The following AKR1C8 variants were observed in gnomAD, a reference collection of about 807,000 sequenced individuals.
The protein encoded by AKR1C8 is aldo-keto reductase family 1 member C-like protein 1.
the AKR1C8 span, chr10:5,122,161 C>G: frequency 1.0e-5 from 4 of 394,774 alleles, no homozygotes; most frequent in East Asian, 3.1e-4. Context: ...AACTCAAAGT[C>G]AAAAACCTGA....
the AKR1C8 span, among the ~76,000 whole-genome samples, chr10:5,181,876 A>G: frequency 2.6e-5 from 4 of 152,202 alleles, no homozygotes; most frequent in African/African-American, 2.4e-5. Context: ...ATAATCAACT[A>G]TAAGACTTTA....
chr10:5,116,119 T>C, the AKR1C8 span, among the ~76,000 whole-genome samples: 3 of 152,164 alleles, frequency 2.0e-5, no homozygotes, highest in South Asian at 6.2e-4. Context: ...CACAGCATGG[T>C]AATACTAAGC....
At chr10:5,166,617 C>T in the AKR1C8 span, among the ~76,000 whole-genome samples, 1 of 152,186 alleles carries the variant, frequency 6.6e-6, no homozygotes, top group African/African-American at 2.4e-5. Context: ...CCCTTCCTTA[C>T]ACCTTATACA....
the AKR1C8 span, chr10:5,132,829 A>G: frequency 2.9e-6 from 2 of 694,470 alleles, no homozygotes; most frequent in African/African-American, 3.7e-5. Flanking sequence ...TAGTTCAGGC[A>G]CAAACAATGA....
the AKR1C8 span, among the ~76,000 whole-genome samples, chr10:5,127,137 C>A: frequency 6.6e-6 from 1 of 151,872 alleles, no homozygotes; most frequent in African/African-American, 2.4e-5. Context: ...ATTTAAAATA[C>A]CAGATAATGA....
At chr10:5,181,205 AATCTC>A in the AKR1C8 span, among the ~76,000 whole-genome samples, 8 of 152,350 alleles carry the variant, frequency 5.3e-5, no homozygotes, top group Non-Finnish European at 1.0e-4. Flanking sequence ...GGTTTATAAA[AATCTC>A]ATCTCATTGT....
chr10:5,137,380 A>T, the AKR1C8 span, among the ~76,000 whole-genome samples: 2 of 152,310 alleles, frequency 1.3e-5, no homozygotes, highest in South Asian at 2.1e-4. Flanking sequence ...ATCCAGCAGC[A>T]CATCAAAAAG....
At chr10:5,145,872 C>T in the AKR1C8 span, among the ~76,000 whole-genome samples, 1 of 152,104 alleles carries the variant, frequency 6.6e-6, no homozygotes, top group Non-Finnish European at 1.5e-5. Context: ...GATTATAAAT[C>T]ATGCTGCTAT....
the AKR1C8 span, among the ~76,000 whole-genome samples, chr10:5,156,949 A>G: frequency 6.6e-6 from 1 of 152,210 alleles, no homozygotes; most frequent in African/African-American, 2.4e-5. Flanking sequence ...TAAGTTGGAG[A>G]CCTGTGATTA....
chr10:5,158,763 G>A, the AKR1C8 span: 1 of 466,030 alleles, frequency 2.1e-6, no homozygotes, highest in African/African-American at 2.0e-5. Context: ...ATAACCACAT[G>A]CAAATTTAAA....
chr10:5,158,399 T>C, the AKR1C8 span, among the ~76,000 whole-genome samples: 1 of 152,166 alleles, frequency 6.6e-6, no homozygotes, highest in Non-Finnish European at 1.5e-5. Context: ...GAGTAAGTAG[T>C]CACATAGATG....
the AKR1C8 span, among the ~76,000 whole-genome samples, chr10:5,118,939 T>TA: frequency 2.5e-3 from 373 of 150,062 alleles, 1 homozygote; most frequent in Non-Finnish European, 4.2e-3. Flanking sequence ...TAAATTTCTT[T>TA]AAAAAAAAAA....
chr10:5,156,126 T>C, the AKR1C8 span, among the ~76,000 whole-genome samples: 1 of 152,172 alleles, frequency 6.6e-6, no homozygotes, highest in Non-Finnish European at 1.5e-5. Context: ...TGGTCAGGGA[T>C]TTGTTTCCTC....
At chr10:5,141,683 C>G in the AKR1C8 span, among the ~76,000 whole-genome samples, 6 of 152,092 alleles carry the variant, frequency 3.9e-5, no homozygotes, top group African/African-American at 1.4e-4. Flanking sequence ...CTTTATTAAC[C>G]AGGTGTATTG....
chr10:5,148,881 C>CT, the AKR1C8 span, among the ~76,000 whole-genome samples: 1 of 151,768 alleles, frequency 6.6e-6, no homozygotes, highest in Non-Finnish European at 1.5e-5. Flanking sequence ...ACCAGGAAGT[C>CT]TAATTTCTAG....
the AKR1C8 span, among the ~76,000 whole-genome samples, chr10:5,143,718 T>C: frequency 2.7e-5 from 4 of 148,072 alleles, no homozygotes; most frequent in African/African-American, 9.8e-5. Flanking sequence ...TATTTAGATA[T>C]ATATTATATA....
At chr10:5,179,058 A>C in the AKR1C8 span, among the ~76,000 whole-genome samples, 1 of 152,152 alleles carries the variant, frequency 6.6e-6, no homozygotes. Context: ...TAGTTGATGC[A>C]GTTTCTTCCT....
At chr10:5,143,433 A>C in the AKR1C8 span, among the ~76,000 whole-genome samples, 1 of 152,224 alleles carries the variant, frequency 6.6e-6, no homozygotes, top group South Asian at 2.1e-4. Context: ...CTTAGACTGG[A>C]GGATACTTTG....
At chr10:5,183,786 G>A in the AKR1C8 span, among the ~76,000 whole-genome samples, 1 of 151,048 alleles carries the variant, frequency 6.6e-6, no homozygotes, top group African/African-American at 2.4e-5. Context: ...ACACAGATAA[G>A]GAAACTTACA....
Sources: allele counts gnomAD v4.1 joint callset (sites outside exome capture counted in the v4.1 genomes callset), GRCh38; gene constraint gnomAD v4.1.1; transcripts MANE v1.5; gene names NCBI Gene and HGNC (gene_info 2026-07-23, HGNC 2026-07-21).